Variants in CARMIL1 observed in about 807,000 individuals in gnomAD.
CARMIL1 encodes F-actin-uncapping protein LRRC16A.
CARMIL1 carries 90 observed loss-of-function variants against 177.1 expected under a neutral mutation model. The ratio of observed to expected loss-of-function variants is 0.51; its 90% CI spans 0.43 to 0.61. The LOEUF is 0.61. CARMIL1 is among the 20% of genes least tolerant of loss of function. The probability of loss-of-function intolerance (pLI) is 0.00; values close to 1 mark genes in which losing one functional copy is unlikely to be tolerated. For missense variants in CARMIL1, 1,380 were observed against 1,667.0 expected, an observed-to-expected ratio of 0.83 and a Z score of 3.00; for synonymous variants, 577 against 606.2, an observed-to-expected ratio of 0.95 and a Z score of 0.71.
rs1785164451 is a variant in CARMIL1, at chr6:25,326,942, G to A, written c.138+42033G>A. On this transcript the variant is annotated intron_variant, in intron 2 of 36. Transcript: ENST00000329474. This position sits in a 1 kb window ranked among gnomAD's most constrained non-coding sequence, Gnocchi z 4.2. ...TTATTGTGATGAGGGAGACTGGTGGGGGTAGCAAAAGGACATAACTTTTGA... is the reference window on the plus strand; with the variant it reads ...TTATTGTGATGAGGGAGACTGGTGGAGGTAGCAAAAGGACATAACTTTTGA... Among the ~76,000 whole-genome samples the A allele has an allele frequency of 6.6e-6, 1 of 152,054 alleles. No individual in the cohort carries two copies. The highest frequency in any genetic ancestry group is 1.5e-5 in the Non-Finnish European group (1 of 68,036).
rs745819991 is a variant in CARMIL1 at position 25,581,424 on chromosome 6, A to G, written c.2991A>G (p.Gln997=). The G allele has an allele frequency of 7.1e-5, 114 of 1,611,254 alleles. No homozygotes were observed. Among genetic ancestry groups the G allele is most frequent in the Non-Finnish European group, 9.2e-5 (109 of 1,178,534 alleles). Residue 997 remains glutamine (Q), a synonymous_variant, in exon 31 of 37, where the codon CAA becomes CAG. Coordinates refer to ENST00000329474, the MANE Select transcript of CARMIL1 (RefSeq NM_017640.6). ...GGCCAAAAAGGAATAAGAAGCAGCAACCCACCCAAGCAGCGGTAGGTGGAC... is the reference window on the plus strand; with the variant it reads ...GGCCAAAAAGGAATAAGAAGCAGCAGCCCACCCAAGCAGCGGTAGGTGGAC... The part of the protein sequence containing the change: ...KLRPKRNKKQ[Q]PTQAAVCAAN...
chr6:25,291,200 G>A (rs186138493), intron 2 of CARMIL1, among the ~76,000 whole-genome samples: 236 of 152,192 alleles, frequency 1.6e-3, no homozygotes, highest in African/African-American at 5.2e-3. Context: ...GTAACTATAA[G>A]TTAACTTAAA....
Position 25,279,533 on chromosome 6 carries a change from C to G in CARMIL1, c.-263C>G, listed in dbSNP as rs969874479. On this transcript the variant is annotated 5_prime_UTR_variant, in exon 1 of 37. Transcript: ENST00000329474. ...CCCCGCGCCCGCTTGTAATCCGGTC[C>G]GCTCCTTATTCAGCCGCCGGGAACT... is the stretch of plus-strand genomic sequence containing the variant. 7 of 557,048 alleles carry G rather than the reference C, an allele frequency of 1.3e-5. No homozygotes were observed. The highest frequency in any genetic ancestry group is 1.6e-5 in the Non-Finnish European group (5 of 310,502). The allele number at this position is 557,048 out of a possible 1,614,324, so 34.5% of individuals were successfully genotyped here. A position where few individuals can be genotyped will look rare whatever the true frequency, so the allele number is the denominator to read the frequency against.
At chr6:25,517,264 G>A (rs1806094119) in intron 21 of CARMIL1, 83 bp from the exon 22 acceptor site, 2 of 959,824 alleles carry the variant, frequency 2.1e-6, no homozygotes, top group Non-Finnish European at 1.7e-6. Flanking sequence ...TCTACACACT[G>A]CTGTCTATAA....
intron 2 of CARMIL1, among the ~76,000 whole-genome samples, chr6:25,349,754 G>T (rs1787922063): frequency 7.2e-6 from 1 of 138,702 alleles, no homozygotes; most frequent in African/African-American, 2.7e-5. Flanking sequence ...TTTTGAGATG[G>T]AGTCTTGTTC....
intron 8 of CARMIL1, among the ~76,000 whole-genome samples, chr6:25,457,639 T>C (rs1234406078): frequency 6.6e-6 from 1 of 152,192 alleles, no homozygotes. Context: ...CAGGAAATGA[T>C]AATGCTAGGC....
chr6:25,347,145 T>A (rs972266420), intron 2 of CARMIL1, among the ~76,000 whole-genome samples: 2 of 152,234 alleles, frequency 1.3e-5, no homozygotes, highest in African/African-American at 4.8e-5. Flanking sequence ...GGCACTGATA[T>A]CTGTCTATTG....
chr6:25,481,596 C>A (rs973360826), intron 11 of CARMIL1, among the ~76,000 whole-genome samples: 11 of 152,138 alleles, frequency 7.2e-5, no homozygotes, highest in African/African-American at 2.7e-4. Flanking sequence ...TTATTTCCTC[C>A]CAGAAAACAG....
intron 3 of CARMIL1, 83 bp downstream of exon 3, chr6:25,420,247 T>G: frequency 8.0e-7 from 1 of 1,254,060 alleles, no homozygotes; most frequent in Admixed American, 1.7e-5. Flanking sequence ...TTCTTACATG[T>G]GTGCACACAT....
chr6:25,341,913 T>C (rs116259706), intron 2 of CARMIL1, among the ~76,000 whole-genome samples: 127 of 152,242 alleles, frequency 8.3e-4, no homozygotes, highest in African/African-American at 3.0e-3. Context: ...AGAACAGAAA[T>C]AACACTGGAA....
In CARMIL1 at chr6:25,600,700, C is replaced by A; in HGVS notation, c.3506C>A (p.Ala1169Glu). Residue 1169 changes from alanine (A) to glutamate (E), a missense_variant, in exon 33 of 37, where the codon GCA becomes GAA. By Grantham distance (107) the Ala-to-Glu change is moderately radical (BLOSUM62 -1). Transcript: ENST00000329474. Reference protein sequence around the residue: ...GVQVMGSGLLAEMKAKQEKRA... With the variant: ...GVQVMGSGLLEEMKAKQEKRA... ...CAGGTGATGGGCAGTGGTCTGCTGG[C>A]AGAGATGAAAGCCAAGCAAGAGAAG... The A allele has an allele frequency of 1.3e-6, 2 of 1,582,670 alleles. No individual in the cohort carries two copies. The highest frequency in any genetic ancestry group is 8.6e-7 in the Non-Finnish European group (1 of 1,165,676).
At chr6:25,529,649 A>G in intron 24 of CARMIL1, among the ~76,000 whole-genome samples, 1 of 93,384 alleles carries the variant, frequency 1.1e-5, no homozygotes, top group South Asian at 3.8e-4. Flanking sequence ...AAATAAGAAT[A>G]GGCTGCTAGA....
intron 2 of CARMIL1, among the ~76,000 whole-genome samples, chr6:25,379,007 T>G (rs147263617): frequency 7.2e-5 from 11 of 152,290 alleles, no homozygotes; most frequent in South Asian, 4.2e-4. Context: ...AGTCATTTTC[T>G]GGTTGTATGG....
chr6:25,587,731 CAAAT>C (rs1813893676), intron 31 of CARMIL1, among the ~76,000 whole-genome samples: 2 of 152,100 alleles, frequency 1.3e-5, no homozygotes, highest in African/African-American at 4.8e-5. Flanking sequence ...TACTAAGAAA[CAAAT>C]TAACTAACTT....
chr6:25,355,225 A>G (rs1788478737), intron 2 of CARMIL1, among the ~76,000 whole-genome samples: 2 of 152,234 alleles, frequency 1.3e-5, no homozygotes, highest in Admixed American at 1.3e-4. Flanking sequence ...TGAGCCAAGA[A>G]GGAACTCTCA....
intron 17 of CARMIL1, among the ~76,000 whole-genome samples, chr6:25,508,446 C>G (rs908289131): frequency 6.6e-6 from 1 of 152,128 alleles, no homozygotes. Flanking sequence ...CCTGTAATTC[C>G]AGATACTTGG....
chr6:25,318,870 A>C (rs1442412453), intron 2 of CARMIL1, among the ~76,000 whole-genome samples: 1 of 152,164 alleles, frequency 6.6e-6, no homozygotes, highest in Non-Finnish European at 1.5e-5. Flanking sequence ...AACAGCAGGG[A>C]CAGATGCAAT....
chr6:25,333,802 C>T (rs1368229543), intron 2 of CARMIL1, among the ~76,000 whole-genome samples: 1 of 152,120 alleles, frequency 6.6e-6, no homozygotes, highest in East Asian at 1.9e-4. Flanking sequence ...TGGTAGGCTC[C>T]ATATAACTGT....
intron 27 of CARMIL1, among the ~76,000 whole-genome samples, chr6:25,552,752 T>G (rs1461990540): frequency 2.6e-5 from 4 of 152,256 alleles, no homozygotes; most frequent in Admixed American, 6.5e-5. Flanking sequence ...CTCCCCACTT[T>G]CAGAGAGAAG....
Sources: allele counts gnomAD v4.1 joint callset (sites outside exome capture counted in the v4.1 genomes callset), GRCh38; gene constraint gnomAD v4.1.1; non-coding constraint Gnocchi (gnomAD v3.1); transcripts MANE v1.5; gene names NCBI Gene and HGNC (gene_info 2026-07-23, HGNC 2026-07-21).